STK3: variants seen among roughly 807,000 people sequenced by gnomAD.
The protein encoded by STK3 is serine/threonine-protein kinase 3.
A neutral mutation model predicts 58.0 loss-of-function variants in STK3; 41 were observed. The observed-to-expected ratio is 0.71, with a 90% CI of 0.55 to 0.92. STK3 has a LOEUF of 0.92. Among genes scored for constraint, STK3 ranks in the 40% least tolerant of loss-of-function variants. The pLI is 0.00. For missense variants in STK3, 479 were observed against 602.7 expected, an observed-to-expected ratio of 0.79 and a Z score of 2.15; for synonymous variants, 170 against 191.0, an observed-to-expected ratio of 0.89 and a Z score of 0.91.
At chr8:98,777,522 A>C (rs1831779488) in intron 1 of STK3, among the ~76,000 whole-genome samples, 1 of 152,184 alleles carries the variant, frequency 6.6e-6, no homozygotes, top group Non-Finnish European at 1.5e-5. Flanking sequence ...AAAAAGAAAA[A>C]AGAAATAGCA....
At chr8:98,442,765 G>T (rs1392222784) in intron 1 of STK3, among the ~76,000 whole-genome samples, 1 of 152,150 alleles carries the variant, frequency 6.6e-6, no homozygotes, top group Non-Finnish European at 1.5e-5. Flanking sequence ...GTAGCAAAAA[G>T]ATATATTATT....
intron 1 of STK3, among the ~76,000 whole-genome samples, chr8:98,923,574 G>A (rs1839654556): frequency 6.6e-6 from 1 of 152,184 alleles, no homozygotes; most frequent in South Asian, 2.1e-4. Flanking sequence ...AACATGGCCT[G>A]AGAAACCCCA....
At position 98,535,014 on chromosome 8, in the gene STK3, T is replaced by C. The variant is rs1809639009; in HGVS notation, c.1142-8097A>G. Among the ~76,000 whole-genome samples, 5 of 152,316 alleles carry C rather than the reference T, an allele frequency of 3.3e-5. 1 individual carries two copies. The South Asian group carries it at 1.0e-3, about 32-fold the overall frequency. On this transcript the variant is annotated intron_variant, in intron 9 of 10. Coordinates refer to ENST00000419617, the MANE Select transcript of STK3 (RefSeq NM_006281.4). ...TAATTCTGTAATAGAATTATATATTTAGTTGTAAGTTCTGTTTTCATCAAG... is the reference window on the plus strand; with the variant it reads ...TAATTCTGTAATAGAATTATATATTCAGTTGTAAGTTCTGTTTTCATCAAG...
chr8:98,612,681 G>C (rs1429989169), intron 6 of STK3, among the ~76,000 whole-genome samples: 1 of 152,036 alleles, frequency 6.6e-6, no homozygotes, highest in Admixed American at 6.6e-5. Flanking sequence ...AAAAGATGAA[G>C]AGAAGAACAC....
intron 6 of STK3, among the ~76,000 whole-genome samples, chr8:98,603,650 T>C (rs1816536333): frequency 6.6e-6 from 1 of 152,120 alleles, no homozygotes; most frequent in South Asian, 2.1e-4. Context: ...TGTAATTTAA[T>C]GATCAATTCA....
chr8:98,537,321 G>A (rs1035214986), intron 9 of STK3, among the ~76,000 whole-genome samples: 1 of 152,080 alleles, frequency 6.6e-6, no homozygotes, highest in African/African-American at 2.4e-5. Context: ...ATTTTAAAGA[G>A]GAAAACAGGT....
At chr8:98,420,226 G>T (rs1818154118) in intron 3 of STK3, among the ~76,000 whole-genome samples, 1 of 152,120 alleles carries the variant, frequency 6.6e-6, no homozygotes, top group African/African-American at 2.4e-5. Context: ...TCCTCCCTTT[G>T]TCTGGCGAAT....
At chr8:98,764,047 G>A (rs1308230202) in intron 3 of STK3, among the ~76,000 whole-genome samples, 4 of 151,990 alleles carry the variant, frequency 2.6e-5, no homozygotes, top group African/African-American at 4.8e-5. Context: ...TTGATCCTTC[G>A]CAACTTCATA....
intron 6 of STK3, among the ~76,000 whole-genome samples, chr8:98,649,975 C>G (rs1300760685): frequency 2.0e-5 from 3 of 152,046 alleles, no homozygotes; most frequent in African/African-American, 7.2e-5. Flanking sequence ...TAAGGATTTT[C>G]TAGTTTTTGA....
chr8:98,376,715 A>G (rs1163254273), intron 2 of STK3, among the ~76,000 whole-genome samples: 1 of 152,208 alleles, frequency 6.6e-6, no homozygotes, highest in Non-Finnish European at 1.5e-5. Flanking sequence ...TTAGAGTTCA[A>G]TGGAAAACGT....
At chr8:98,412,799 A>G (rs1818071084) in intron 3 of STK3, 1 of 154,956 alleles carries the variant, frequency 6.5e-6, no homozygotes, top group Non-Finnish European at 1.4e-5. Context: ...TTTTATGACT[A>G]AAAGTTACAG....
intron 10 of STK3, among the ~76,000 whole-genome samples, chr8:98,456,697 C>T (rs1333938620): frequency 6.6e-6 from 1 of 152,212 alleles, no homozygotes; most frequent in African/African-American, 2.4e-5. Context: ...GCCTTGACCT[C>T]CTCAGTAGCT....
chr8:98,538,125 A>G (rs1342197516), intron 9 of STK3, among the ~76,000 whole-genome samples: 1 of 152,208 alleles, frequency 6.6e-6, no homozygotes, highest in Non-Finnish European at 1.5e-5. Context: ...TTAGTAAAGT[A>G]TGTGTCAACA....
chr8:98,359,836 T>G, the STK3 span, among the ~76,000 whole-genome samples: 1 of 152,204 alleles, frequency 6.6e-6, no homozygotes. Flanking sequence ...GGTCTTGCCC[T>G]TTCTGCTCTA....
intron 6 of STK3, among the ~76,000 whole-genome samples, chr8:98,613,494 C>T (rs1350940120): frequency 6.6e-6 from 1 of 151,662 alleles, no homozygotes; most frequent in Non-Finnish European, 1.5e-5. Flanking sequence ...AATAGAAAGC[C>T]TCAGCTTTAC....
chr8:98,789,316 G>A (rs1001493127), intron 1 of STK3, among the ~76,000 whole-genome samples: 6 of 152,042 alleles, frequency 3.9e-5, no homozygotes, highest in African/African-American at 1.4e-4. Flanking sequence ...GTCTGAAAGA[G>A]CACAGACAAT....
At chr8:98,536,946 A>C (rs1809815295) in intron 9 of STK3, among the ~76,000 whole-genome samples, 1 of 152,158 alleles carries the variant, frequency 6.6e-6, no homozygotes, top group African/African-American at 2.4e-5. Flanking sequence ...TATAGTTTTA[A>C]AGGTTTTTTT....
At chr8:98,618,335 T>A (rs940695014) in intron 6 of STK3, among the ~76,000 whole-genome samples, 2 of 149,396 alleles carry the variant, frequency 1.3e-5, no homozygotes, top group African/African-American at 4.9e-5. Flanking sequence ...GAGCTATCTA[T>A]GACAAACCCA....
chr8:98,695,558 T>C (rs1489438733), intron 6 of STK3, among the ~76,000 whole-genome samples: 3 of 152,246 alleles, frequency 2.0e-5, no homozygotes, highest in Non-Finnish European at 2.9e-5. Context: ...TTCAGCTTTC[T>C]ACATATGGCT....
Sources: gnomAD v4.1 joint callset for allele counts (sites outside exome capture counted in the v4.1 genomes callset) on GRCh38, gnomAD v4.1.1 for gene constraint, MANE v1.5 for transcripts, NCBI Gene and HGNC (gene_info 2026-07-23, HGNC 2026-07-21) for gene names.